The following SH2B1 variants were observed in gnomAD, a reference collection of about 807,000 sequenced individuals.
SH2B1 encodes SH2B adaptor protein 1.
Under a neutral mutation model 62.6 loss-of-function variants are expected in SH2B1, and 15 were observed. The ratio of observed to expected loss-of-function variants is 0.24; its 90% CI spans 0.16 to 0.37. SH2B1 has a LOEUF of 0.37. SH2B1 is among the 10% of genes least tolerant of loss of function. SH2B1 has a pLI of 1.00. For missense variants in SH2B1, 925 were observed against 1,015.6 expected, an observed-to-expected ratio of 0.91 and a Z score of 1.21; for synonymous variants, 443 against 438.0, an observed-to-expected ratio of 1.01 and a Z score of -0.14.
chr16:28,873,329 C>T lies in SH2B1; in HGVS notation c.1898-118C>T. The T allele has an allele frequency of 6.3e-7, 1 of 1,592,352 alleles. No individual in the cohort carries two copies. Among genetic ancestry groups the T allele is most frequent in the East Asian group, 2.2e-5 (1 of 44,712 alleles). ...TCCATCTTCCATGGATGGGGGGTTG[C>T]TCAGGAGATGGGATGTGGGGAGACA... On this transcript the variant is annotated intron_variant, in intron 7 of 7. Coordinates refer to ENST00000684370, the MANE Select transcript of SH2B1 (RefSeq NM_001387430.1). The surrounding 1 kb of genome is among the most constrained non-coding windows in gnomAD (Gnocchi z 4.2).
Position 28,869,189 on chromosome 16 carries a change from A to G in SH2B1, c.1134-19A>G, listed in dbSNP as rs1348751841. 2 of 1,613,898 alleles carry G rather than the reference A, an allele frequency of 1.2e-6. No individual in the cohort carries two copies. The highest frequency in any genetic ancestry group is 1.7e-6 in the Non-Finnish European group (2 of 1,179,868). Reference sequence around the variant, plus strand: ...ACCTGGTGACTTTCCTCCCAGCACCATCTTCCCTGTCTCTGCAGACCCTGC... The same window carrying G: ...ACCTGGTGACTTTCCTCCCAGCACCGTCTTCCCTGTCTCTGCAGACCCTGC... On this transcript the variant is annotated intron_variant, in intron 3 of 7. Transcript: ENST00000684370.
At position 28,865,861 on chromosome 16, in the gene SH2B1, TGGGA is replaced by T; in HGVS notation, c.-232_-229del. On this transcript the variant is annotated 5_prime_UTR_variant, in exon 1 of 8. It introduces an in-frame stop codon into an upstream open reading frame of the 5' UTR. Transcript: ENST00000684370. ...CTGGGGCCTGCAGGGTGCCAGGATC[TGGGA>T]GAGGGAAGGGAGGTGTTGGGCTCCC... 1.5e-6 allele frequency: 2 copies of T among 1,308,122 alleles called. No homozygotes were observed. Among genetic ancestry groups the T allele is most frequent in the Non-Finnish European group, 9.7e-7 (1 of 1,031,386 alleles). 81.0% of individuals were successfully genotyped at this position (1,308,122 alleles called of 1,614,324 possible).
At chr16:28,870,954 T>G (rs1415398890) in intron 4 of SH2B1, among the ~76,000 whole-genome samples, 1 of 151,716 alleles carries the variant, frequency 6.6e-6, no homozygotes, top group Non-Finnish European at 1.5e-5. Flanking sequence ...CCCAAAAGGC[T>G]GGGATTACAG....
In SH2B1 at chr16:28,852,471, CAT is replaced by C. The variant is rs1205955322; in HGVS notation, c.-301+5651_-301+5652del. Among the ~76,000 whole-genome samples the C allele has an allele frequency of 5.7e-4, 41 of 71,730 alleles. 15 individuals are homozygous for C. Among genetic ancestry groups the C allele is most frequent in the East Asian group, 1.9e-3 (5 of 2,598 alleles). The allele number at this position is 71,730 out of a possible 152,430, so 47.1% of individuals were successfully genotyped here. On this transcript the variant is annotated intron_variant, in intron 1 of 10. Coordinates refer to the SH2B1 transcript ENST00000322610. ...ATTTACATATATATTTATATATATA[CAT>C]ATATATTTATATATACATACATATA...
chr16:28,869,145 G>GAGC lies in SH2B1; in HGVS notation c.1133+52_1133+54dup, dbSNP rs760641068. The GAGC allele has an allele frequency of 1.9e-6, 3 of 1,613,536 alleles. No homozygotes were observed. The East Asian group carries it at 6.7e-5, about 36-fold the overall frequency. On this transcript the variant is annotated intron_variant, in intron 3 of 7. Transcript: ENST00000684370. Reference sequence around the variant, plus strand: ...CTAAGGGACATAGAGTGGGGTTGGGGAGCAGCCTTGCGCCTCTCACCTGGT... The same window carrying GAGC: ...CTAAGGGACATAGAGTGGGGTTGGGGAGCAGCAGCCTTGCGCCTCTCACCTGGT...
At position 28,865,303 on chromosome 16, in the gene SH2B1, G is replaced by T. The variant is rs561051168; in HGVS notation, c.-792G>T. 8.1e-6 allele frequency: 8 copies of T among 985,708 alleles called. No individual in the cohort carries two copies. The highest frequency in any genetic ancestry group is 9.6e-6 in the Non-Finnish European group (8 of 830,004). 61.1% of individuals were successfully genotyped at this position (985,708 alleles called of 1,614,324 possible). A position where few individuals can be genotyped will look rare whatever the true frequency, so the allele number is the denominator to read the frequency against. On this transcript the variant is annotated 5_prime_UTR_variant, in exon 1 of 8. Transcript: ENST00000684370. ...ATTTCACATCTCCTTCACGCAGTGCGTGGGTGCTGGACTCTGGGGTCAGCT... is the reference window on the plus strand; with the variant it reads ...ATTTCACATCTCCTTCACGCAGTGCTTGGGTGCTGGACTCTGGGGTCAGCT...
chr16:28,854,764 A>G (rs957843009), intron 1 of SH2B1, among the ~76,000 whole-genome samples: 17 of 152,072 alleles, frequency 1.1e-4, no homozygotes, highest in Non-Finnish European at 1.5e-4. Context: ...TCAAAATAAT[A>G]ACGACAATAA....
intron 4 of SH2B1, among the ~76,000 whole-genome samples, chr16:28,870,352 A>T (rs1002288394): frequency 6.6e-6 from 1 of 152,048 alleles, no homozygotes; most frequent in African/African-American, 2.4e-5. Flanking sequence ...TCACGTTGGG[A>T]GCTCAGGAGG....
chr16:28,852,141 A>T (rs1962112345), intron 1 of SH2B1, among the ~76,000 whole-genome samples: 1 of 146,832 alleles, frequency 6.8e-6, no homozygotes, highest in Admixed American at 7.1e-5. Context: ...GGAATAAACT[A>T]TGAGTGAATA....
At chr16:28,857,205 C>T (rs2152162624) in intron 1 of SH2B1, among the ~76,000 whole-genome samples, 1 of 151,930 alleles carries the variant, frequency 6.6e-6, no homozygotes, top group East Asian at 1.9e-4. Context: ...ATTGCTTGAA[C>T]CCGGGAGATG....
At position 28,852,558 on chromosome 16, in the gene SH2B1, T is replaced by G. The variant is rs376989456; in HGVS notation, c.-301+5731T>G. Among the ~76,000 whole-genome samples, 34 of 17,262 alleles carry G rather than the reference T, an allele frequency of 2.0e-3. 14 individuals are homozygous for G. The highest frequency in any genetic ancestry group is 3.6e-3 in the East Asian group (1 of 278). The allele number at this position is 17,262 out of a possible 152,430, so 11.3% of individuals were successfully genotyped here. A position where few individuals can be genotyped will look rare whatever the true frequency, so the allele number is the denominator to read the frequency against. ...CATATATTTATATATATACACATAT[T>G]TATATATATACACATATATATTTAT... On this transcript the variant is annotated intron_variant, in intron 1 of 10. Transcript: ENST00000322610.
At chr16:28,847,482 C>G (rs1962002057) in intron 1 of SH2B1, among the ~76,000 whole-genome samples, 1 of 152,034 alleles carries the variant, frequency 6.6e-6, no homozygotes, top group South Asian at 2.1e-4. Flanking sequence ...GGGGTCTATG[C>G]ACAGACTGGG....
At chr16:28,867,539 G>C in intron 2 of SH2B1, 107 bp downstream of exon 2, 1 of 804,338 alleles carries the variant, frequency 1.2e-6, no homozygotes, top group Non-Finnish European at 2.2e-6. Flanking sequence ...TATGTGTCCA[G>C]TGCCTTGAGA....
At chr16:28,852,938 G>A (rs1239813535) in intron 1 of SH2B1, among the ~76,000 whole-genome samples, 1 of 69,310 alleles carries the variant, frequency 1.4e-5, no homozygotes, top group Non-Finnish European at 2.6e-5. Flanking sequence ...TTATATATAT[G>A]TACATATATA....
At chr16:28,863,630 C>A, upstream of SH2B1, 1 of 1,505,364 alleles carries the variant, frequency 6.6e-7, no homozygotes, top group Non-Finnish European at 8.9e-7. Context: ...CTGGTGGGAT[C>A]CAAGCACTTC....
At position 28,864,865 on chromosome 16, in the gene SH2B1, T is replaced by A. The variant is rs1335344553; in HGVS notation, c.-1230T>A. On this transcript the variant is annotated 5_prime_UTR_variant, in exon 1 of 8. Coordinates refer to ENST00000684370, the MANE Select transcript of SH2B1 (RefSeq NM_001387430.1). ...ACAATGGCAGTCGTTCAGCGGATGC[T>A]TACTTTGCGTTCAGCGCTGACATAC... 1 of 223,268 alleles carries A rather than the reference T, an allele frequency of 4.5e-6. No homozygotes were observed. Among genetic ancestry groups the A allele is most frequent in the Non-Finnish European group, 7.5e-6 (1 of 133,252 alleles). The allele number at this position is 223,268 out of a possible 1,614,324, so 13.8% of individuals were successfully genotyped here.
intron 1 of SH2B1, among the ~76,000 whole-genome samples, chr16:28,852,680 T>A (rs181581006): frequency 0.011 from 810 of 73,586 alleles, 85 homozygotes; most frequent in African/African-American, 0.045. Context: ...ATATATATAT[T>A]TACATATATA....
chr16:28,872,514 C>T lies in SH2B1; in HGVS notation c.1726-20C>T. 2.5e-6 allele frequency: 4 copies of T among 1,600,248 alleles called. No individual in the cohort carries two copies. Among genetic ancestry groups the T allele is most frequent in the Non-Finnish European group, 3.4e-6 (4 of 1,170,698 alleles). On this transcript the variant is annotated intron_variant, in intron 6 of 7. Coordinates refer to ENST00000684370, the MANE Select transcript of SH2B1 (RefSeq NM_001387430.1). This position sits in a 1 kb window ranked among gnomAD's most constrained non-coding sequence, Gnocchi z 5.3. Reference sequence around the variant, plus strand: ...GCAGGGCCTTTGCCTCCTACCTCACCTCCCCCATCCCGCCCTCAGCACCTG... The same window carrying T: ...GCAGGGCCTTTGCCTCCTACCTCACTTCCCCCATCCCGCCCTCAGCACCTG...
In SH2B1 at chr16:28,864,047, G is replaced by A. The variant is rs536270549; in HGVS notation, c.-2048G>A. On this transcript the variant is annotated 5_prime_UTR_variant, in exon 1 of 8. Transcript: ENST00000684370. ...TCCTGGGTGGGGGTGGGCGTGGAGG[G>A]CCGGGGGCTGGAGAGGCACTCGGCC... 2.3e-5 allele frequency: 31 copies of A among 1,375,366 alleles called. No homozygotes were observed. The African/African-American group carries it at 4.1e-4, about 18-fold the overall frequency. 85.2% of individuals were successfully genotyped at this position (1,375,366 alleles called of 1,614,324 possible).
Sources: allele counts gnomAD v4.1 joint callset (sites outside exome capture counted in the v4.1 genomes callset), GRCh38; gene constraint gnomAD v4.1.1; non-coding constraint Gnocchi (gnomAD v3.1); transcripts MANE v1.5; gene names NCBI Gene and HGNC (gene_info 2026-07-23, HGNC 2026-07-21).